Variants in DSCAM observed in about 807,000 individuals in gnomAD.
DSCAM encodes cell adhesion molecule DSCAM.
In DSCAM, 47 loss-of-function variants were observed where a neutral mutation model predicts 217.7. The ratio of observed to expected loss-of-function variants is 0.22; its 90% CI spans 0.17 to 0.28. The LOEUF is 0.28. Ranked by LOEUF, DSCAM falls within the 10% of genes least tolerant of loss-of-function variation. The pLI is 1.00. For synonymous variants in DSCAM, 1,056 were observed against 1,015.3 expected (o/e 1.04, Z -0.76); for missense variants, 2,080 against 2,618.3 (o/e 0.79, Z 4.49).
intron 11 of DSCAM, among the ~76,000 whole-genome samples, chr21:40,249,238 C>T (rs984046019): frequency 2.6e-5 from 4 of 152,188 alleles, no homozygotes; most frequent in African/African-American, 9.7e-5. Context: ...CAAATCTCAT[C>T]TTGAATTGTA....
Position 40,536,252 on chromosome 21 carries a change from T to C in DSCAM, c.508+156558A>G, listed in dbSNP as rs145041431. On this transcript the variant is annotated intron_variant, in intron 3 of 32. Transcript: ENST00000400454. Reference sequence around the variant, plus strand: ...TGAGTTGTGACCCCCTAAATTCCTATGTTGAAGTCCTAACCCCAAGAACCT... The same window carrying C: ...TGAGTTGTGACCCCCTAAATTCCTACGTTGAAGTCCTAACCCCAAGAACCT... Among the ~76,000 whole-genome samples, 316 of 152,272 alleles carry C rather than the reference T, an allele frequency of 2.1e-3. 1 individual carries two copies. Among genetic ancestry groups the C allele is most frequent in the African/African-American group, 7.2e-3 (301 of 41,564 alleles).
At chr21:40,459,691 A>C (rs894384519) in intron 3 of DSCAM, among the ~76,000 whole-genome samples, 19 of 152,214 alleles carry the variant, frequency 1.2e-4, no homozygotes, top group African/African-American at 4.6e-4. Context: ...GCAATGCATG[A>C]ATTAATCTAT....
chr21:40,454,935 AACC>A (rs1316833035), intron 3 of DSCAM, among the ~76,000 whole-genome samples: 1 of 152,218 alleles, frequency 6.6e-6, no homozygotes, highest in Non-Finnish European at 1.5e-5. Context: ...AACTGCGCAC[AACC>A]TGCTGACCTT....
chr21:40,298,343 A>C lies in DSCAM; in HGVS notation c.2063-2169T>G, dbSNP rs1292443487. 1.3e-3 allele frequency among the ~76,000 whole-genome samples: 191 copies of C among 152,128 alleles called. 1 individual carries two copies. The highest frequency in any genetic ancestry group is 6.8e-3 in the Middle Eastern group (2 of 294). ...TGATCCACCAGCCTCAGCCTCCCAA[A>C]GTGCTGGGATTACAGGCGTGAGCCA... is the stretch of plus-strand genomic sequence containing the variant. On this transcript the variant is annotated intron_variant, in intron 9 of 32. Coordinates refer to ENST00000400454, the MANE Select transcript of DSCAM (RefSeq NM_001389.5).
intron 3 of DSCAM, among the ~76,000 whole-genome samples, chr21:40,545,885 A>G (rs1361567817): frequency 6.6e-6 from 1 of 152,220 alleles, no homozygotes; most frequent in African/African-American, 2.4e-5. Flanking sequence ...CCACGTGTCA[A>G]GGGCTTTGGG....
intron 11 of DSCAM, among the ~76,000 whole-genome samples, chr21:40,222,580 A>G (rs1045058864): frequency 6.6e-6 from 1 of 152,228 alleles, no homozygotes; most frequent in Non-Finnish European, 1.5e-5. Context: ...AACATAACAC[A>G]TCACAGTAGA....
chr21:40,068,915 G>A (rs765540566), intron 27 of DSCAM, among the ~76,000 whole-genome samples: 38 of 151,928 alleles, frequency 2.5e-4, no homozygotes, highest in Non-Finnish European at 4.3e-4. Context: ...GAGAAACCCC[G>A]TCTCTACTAA....
chr21:40,162,244 T>C (rs1471974759), intron 16 of DSCAM, among the ~76,000 whole-genome samples: 2 of 152,226 alleles, frequency 1.3e-5, no homozygotes, highest in East Asian at 3.8e-4. Flanking sequence ...GATCTCCCTC[T>C]GCACAAAACT....
intron 4 of DSCAM, 40 bp downstream of exon 4, chr21:40,369,059 A>C (rs148271254): frequency 2.4e-5 from 37 of 1,555,710 alleles, no homozygotes; most frequent in Non-Finnish European, 3.1e-5. Flanking sequence ...CTAACAAAGA[A>C]ATAGCAGACA....
At chr21:40,149,268 C>A (rs559210775) in intron 16 of DSCAM, among the ~76,000 whole-genome samples, 5 of 150,570 alleles carry the variant, frequency 3.3e-5, no homozygotes, top group African/African-American at 1.2e-4. Context: ...TCCATCACTC[C>A]ATCACTATCC....
intron 11 of DSCAM, among the ~76,000 whole-genome samples, chr21:40,230,377 T>C (rs2091370782): frequency 6.6e-6 from 1 of 152,192 alleles, no homozygotes; most frequent in Non-Finnish European, 1.5e-5. Context: ...TTAATAGAAA[T>C]CGGACTATTC....
chr21:40,150,207 A>G (rs1475146594), intron 16 of DSCAM, among the ~76,000 whole-genome samples: 1 of 152,232 alleles, frequency 6.6e-6, no homozygotes, highest in African/African-American at 2.4e-5. Context: ...GAATTCTCCA[A>G]AGTTGTATTT....
chr21:40,708,701 G>A lies in DSCAM; in HGVS notation c.114C>T (p.Ser38=). 8 of 1,611,724 alleles carry A rather than the reference G, an allele frequency of 5.0e-6. No homozygotes were observed. Among genetic ancestry groups the A allele is most frequent in the African/African-American group, 1.3e-5 (1 of 75,020 alleles). ...NASLQEVVFA[S]TTGTLVPCPA... is the part of the protein sequence containing the mutation. Reference sequence around the variant, plus strand: ...GGCAGGGCACCAGAGTCCCCGTGGTGCTGGCAAACACTACCTCTTGCAGAG... The same window carrying A: ...GGCAGGGCACCAGAGTCCCCGTGGTACTGGCAAACACTACCTCTTGCAGAG... Residue 38 remains serine, a synonymous_variant, in exon 2 of 33, where the codon AGC becomes AGT. Transcript: ENST00000400454.
intron 1 of DSCAM, among the ~76,000 whole-genome samples, chr21:40,788,101 C>G (rs2091609475): frequency 6.6e-6 from 1 of 152,212 alleles, no homozygotes. Flanking sequence ...TTTCCTCGCC[C>G]TCTTCCAAGA....
chr21:40,708,306 C>T (rs909684615), intron 2 of DSCAM, 148 bp downstream of exon 2: 2 of 583,472 alleles, frequency 3.4e-6, no homozygotes, highest in Admixed American at 7.9e-5. Flanking sequence ...ACAAGGAGAC[C>T]TTAAAGAAGT....
chr21:40,636,906 A>T (rs73372827), intron 3 of DSCAM, among the ~76,000 whole-genome samples: 1,647 of 150,466 alleles, frequency 0.011, 42 homozygotes, highest in African/African-American at 0.038. Context: ...ATGGCTGAGA[A>T]GCCAGGGATC....
intron 8 of DSCAM, among the ~76,000 whole-genome samples, chr21:40,324,308 A>G (rs6517590): frequency 0.63 from 95,134 of 151,632 alleles, 30,780 homozygotes; most frequent in African/African-American, 0.78. Context: ...AGAGAAACAC[A>G]AAAGATGCAA....
chr21:40,240,530 G>A (rs961904465), intron 11 of DSCAM, among the ~76,000 whole-genome samples: 5 of 151,976 alleles, frequency 3.3e-5, no homozygotes, highest in Admixed American at 2.0e-4. Context: ...TTACATGTGA[G>A]CCTTTTCTAC....
chr21:40,485,533 C>T (rs578204088), intron 3 of DSCAM, among the ~76,000 whole-genome samples: 108 of 152,150 alleles, frequency 7.1e-4, no homozygotes, highest in Admixed American at 1.7e-3. Flanking sequence ...TGAGCCACCG[C>T]GCCCGGCCCA....
Sources: allele counts gnomAD v4.1 joint callset (sites outside exome capture counted in the v4.1 genomes callset), GRCh38; gene constraint gnomAD v4.1.1; transcripts MANE v1.5; gene names NCBI Gene and HGNC (gene_info 2026-07-23, HGNC 2026-07-21).